The following CEMIP2 variants were observed in gnomAD, a reference collection of about 807,000 sequenced individuals.
The protein encoded by CEMIP2 is cell surface hyaluronidase CEMIP2.
In CEMIP2, 79 loss-of-function variants were observed where a neutral mutation model predicts 146.9. That is an observed-to-expected ratio of 0.54 (90% confidence interval 0.45 to 0.65). CEMIP2 has a LOEUF of 0.65. Among genes scored for constraint, CEMIP2 ranks in the 30% least tolerant of loss-of-function variants. The pLI is 0.00. For synonymous variants in CEMIP2, 601 were observed against 606.3 expected (o/e 0.99, Z 0.13); for missense variants, 1,596 against 1,696.2 (o/e 0.94, Z 1.04).
At chr9:71,716,066 A>G (rs1489994254) in intron 14 of CEMIP2, among the ~76,000 whole-genome samples, 2 of 152,212 alleles carry the variant, frequency 1.3e-5, no homozygotes, top group African/African-American at 4.8e-5. Context: ...ATTAAATGAC[A>G]AGCATATTTA....
chr9:71,764,667 A>G (rs1824734438), intron 1 of CEMIP2, among the ~76,000 whole-genome samples: 1 of 152,148 alleles, frequency 6.6e-6, no homozygotes, highest in African/African-American at 2.4e-5. Flanking sequence ...GGCACAGTTC[A>G]CTTGATAGTT....
intron 15 of CEMIP2, among the ~76,000 whole-genome samples, chr9:71,712,852 A>T (rs1002263510): frequency 7.2e-5 from 11 of 152,200 alleles, no homozygotes; most frequent in African/African-American, 2.7e-4. Flanking sequence ...TTAGCCTACT[A>T]ATCATAAATC....
chr9:71,722,949 G>A (rs978206968), intron 11 of CEMIP2, among the ~76,000 whole-genome samples: 12 of 150,098 alleles, frequency 8.0e-5, no homozygotes, highest in Admixed American at 6.7e-4. Flanking sequence ...AGGATTCAGG[G>A]AATGTCTCCT....
intron 15 of CEMIP2, among the ~76,000 whole-genome samples, chr9:71,712,938 G>C (rs1344904358): frequency 6.6e-6 from 1 of 152,056 alleles, no homozygotes; most frequent in Non-Finnish European, 1.5e-5. Flanking sequence ...TTCTTTAATT[G>C]CATGGCAGAG....
At chr9:71,767,587 C>A (rs1824834777) in intron 1 of CEMIP2, among the ~76,000 whole-genome samples, 1 of 152,204 alleles carries the variant, frequency 6.6e-6, no homozygotes, top group Non-Finnish European at 1.5e-5. Context: ...CAGCAGAGAG[C>A]ATCCAGGGAA....
chr9:71,756,500 T>G (rs952057007), intron 1 of CEMIP2, among the ~76,000 whole-genome samples: 1 of 137,822 alleles, frequency 7.3e-6, no homozygotes, highest in Admixed American at 7.5e-5. Context: ...TCTCTCTCTC[T>G]CTCTCTCACA....
intron 1 of CEMIP2, among the ~76,000 whole-genome samples, chr9:71,759,299 T>C (rs1311619737): frequency 4.6e-5 from 7 of 151,128 alleles, no homozygotes. Flanking sequence ...GATTATCTCC[T>C]TCCTTAAAGA....
intron 1 of CEMIP2, among the ~76,000 whole-genome samples, chr9:71,760,201 G>C (rs1476095023): frequency 7.9e-5 from 12 of 152,118 alleles, no homozygotes; most frequent in Admixed American, 7.9e-4. Flanking sequence ...TAAATACTAA[G>C]AGTTTGCTTA....
intron 5 of CEMIP2, among the ~76,000 whole-genome samples, chr9:71,736,315 T>C (rs1269076988): frequency 2.6e-5 from 4 of 152,170 alleles, no homozygotes; most frequent in Non-Finnish European, 5.9e-5. Context: ...GTATTGTTCA[T>C]ACCTTCCCAG....
chr9:71,718,670 G>A (rs1167922806), intron 12 of CEMIP2, among the ~76,000 whole-genome samples: 2 of 151,954 alleles, frequency 1.3e-5, no homozygotes, highest in Middle Eastern at 3.2e-3. Flanking sequence ...TCTGCTTCCC[G>A]GGTTCAAGCA....
chr9:71,756,238 G>GTATA (rs10546089), intron 1 of CEMIP2, among the ~76,000 whole-genome samples: 74 of 138,592 alleles, frequency 5.3e-4, no homozygotes, highest in East Asian at 5.0e-3. Context: ...GTATATAGGT[G>GTATA]TATATATATA....
chr9:71,765,923 G>T (rs569419594), intron 1 of CEMIP2, among the ~76,000 whole-genome samples: 17 of 152,254 alleles, frequency 1.1e-4, no homozygotes, highest in African/African-American at 4.1e-4. Flanking sequence ...TGATTAATAA[G>T]TGCTAGCTGA....
At position 71,758,729 on chromosome 9, in the gene CEMIP2, TAA is replaced by T. The variant is rs1489772693; in HGVS notation, c.-12-8346_-12-8345del. Among the ~76,000 whole-genome samples, 15 of 152,314 alleles carry T rather than the reference TAA, an allele frequency of 9.8e-5. No homozygotes were observed. In the South Asian group the frequency reaches 1.0e-3, roughly 11 times the overall value. On this transcript the variant is annotated intron_variant, in intron 1 of 23. Coordinates refer to ENST00000377044, the MANE Select transcript of CEMIP2 (RefSeq NM_013390.3). ...TTTCTATAGATGCAAATTTCCCCCA[TAA>T]AAGACTGCTTTGCAGGGTGACTTCT...
chr9:71,765,818 G>T (rs7868620), intron 1 of CEMIP2, among the ~76,000 whole-genome samples: 35,946 of 151,930 alleles, frequency 0.24, 4,450 homozygotes, highest in Non-Finnish European at 0.26. Flanking sequence ...GTGGCCTCCC[G>T]GGTTGCAACC....
In CEMIP2 at chr9:71,715,730, T is replaced by C. The variant is rs559250665; in HGVS notation, c.2436-641A>G. Among the ~76,000 whole-genome samples, 25 of 149,862 alleles carry C rather than the reference T, an allele frequency of 1.7e-4. 1 individual carries two copies. In the East Asian group the frequency reaches 4.6e-3, roughly 28 times the overall value. On this transcript the variant is annotated intron_variant, in intron 14 of 23. Transcript: ENST00000377044. Reference sequence around the variant, plus strand: ...CCTTGAACTCGAGCTCACAGGATACTGCCATCTCAGCCTCCAGAGTAGCTA... The same window carrying C: ...CCTTGAACTCGAGCTCACAGGATACCGCCATCTCAGCCTCCAGAGTAGCTA...
At position 71,715,031 on chromosome 9, in the gene CEMIP2, CAA is replaced by C; in HGVS notation, c.2492_2493del (p.Phe831CysfsTer38). On this transcript the variant is annotated frameshift_variant, in exon 15 of 24. Coordinates refer to ENST00000377044, the MANE Select transcript of CEMIP2 (RefSeq NM_013390.3). LOFTEE classifies it high-confidence loss of function. The stretch of plus-strand genomic sequence containing the variant: ...AAGCCGTAATTCCTGCTCTCCCCAA[CAA>C]AGAGAGATTCAGATACCTCTTGGCT... ...GSSQEVSESL[F>X]VGESRNYGFQ... The C allele has an allele frequency of 6.2e-7, 1 of 1,613,990 alleles. No homozygotes were observed. The highest frequency in any genetic ancestry group is 1.1e-5 in the South Asian group (1 of 91,078).
chr9:71,739,690 G>A (rs1193323538), intron 5 of CEMIP2, among the ~76,000 whole-genome samples: 1 of 152,086 alleles, frequency 6.6e-6, no homozygotes, highest in African/African-American at 2.4e-5. Flanking sequence ...CTCACAGCCC[G>A]TGGGCCACAT....
intron 7 of CEMIP2, among the ~76,000 whole-genome samples, chr9:71,731,801 G>T (rs1338476011): frequency 6.6e-6 from 1 of 151,196 alleles, no homozygotes; most frequent in Non-Finnish European, 1.5e-5. Context: ...TGCACAAAAA[G>T]TGATTTAAAA....
intron 12 of CEMIP2, among the ~76,000 whole-genome samples, chr9:71,721,101 C>A (rs1010371962): frequency 6.6e-6 from 1 of 151,874 alleles, no homozygotes; most frequent in Non-Finnish European, 1.5e-5. Context: ...AATATATATA[C>A]ATAAATAAGT....
Sources: allele counts gnomAD v4.1 joint callset (sites outside exome capture counted in the v4.1 genomes callset), GRCh38; gene constraint gnomAD v4.1.1; transcripts MANE v1.5; gene names NCBI Gene and HGNC (gene_info 2026-07-23, HGNC 2026-07-21).